The following FBXO17 variants were observed in gnomAD, a reference collection of about 807,000 sequenced individuals.
The protein encoded by FBXO17 is F-box protein 17.
FBXO17 carries 43 observed loss-of-function variants against 34.1 expected under a neutral mutation model. That is an observed-to-expected ratio of 1.26 (90% CI 0.99 to 1.62). The LOEUF (loss-of-function observed/expected upper bound fraction) is 1.62, where lower values mean the gene tolerates loss of function less well. Among genes scored for constraint, FBXO17 ranks in the 40% most tolerant of loss-of-function variants. The probability of loss-of-function intolerance (pLI) is 0.00; values close to 1 mark genes in which losing one functional copy is unlikely to be tolerated. For missense variants in FBXO17, 424 were observed against 386.7 expected (o/e 1.10, Z -0.81); for synonymous variants, 169 against 166.0 (o/e 1.02, Z -0.14).
At chr19:38,965,928 C>T (rs1011021433) in intron 1 of FBXO17, among the ~76,000 whole-genome samples, 40 of 152,186 alleles carry the variant, frequency 2.6e-4, no homozygotes, top group African/African-American at 7.2e-4. Context: ...AGGCATGAGC[C>T]GTTGCTCCCA....
intron 4 of FBXO17, 116 bp downstream of exon 4, chr19:38,946,356 G>T: frequency 1.3e-6 from 2 of 1,497,526 alleles, no homozygotes; most frequent in South Asian, 1.3e-5. Context: ...TCATCACAAA[G>T]GGTGCACAGT....
chr19:38,946,300 C>G, intron 4 of FBXO17, 172 bp downstream of exon 4: 1 of 1,199,246 alleles, frequency 8.3e-7, no homozygotes, highest in Non-Finnish European at 1.1e-6. Context: ...TCTGGCTTCT[C>G]CAAAGCTCTA....
chr19:38,948,754 G>T, intron 2 of FBXO17, 76 bp from the exon 3 acceptor site: 1 of 1,280,078 alleles, frequency 7.8e-7, no homozygotes, highest in Non-Finnish European at 1.1e-6. Flanking sequence ...CAGCCAGCTT[G>T]TGCTGTCCAC....
At chr19:38,949,096 A>G (rs1975031479) in intron 2 of FBXO17, among the ~76,000 whole-genome samples, 1 of 151,588 alleles carries the variant, frequency 6.6e-6, no homozygotes, top group Non-Finnish European at 1.5e-5. Flanking sequence ...CGCCTGGCTA[A>G]TTTAATTTTT....
Position 38,946,356 on chromosome 19 carries a change from G to C in FBXO17, c.557+116C>G, listed in dbSNP as rs1020393794. On this transcript the variant is annotated intron_variant, in intron 4 of 5. Coordinates refer to ENST00000292852, the MANE Select transcript of FBXO17 (RefSeq NM_024907.7). The stretch of plus-strand genomic sequence containing the variant: ...CTTCCCCTCTCAGCCTCATCACAAA[G>C]GGTGCACAGTGACAGCCGCTACCCG... 9 of 1,497,410 alleles carry C rather than the reference G, an allele frequency of 6.0e-6. No individual in the cohort carries two copies. In the South Asian group the frequency reaches 6.4e-5, roughly 11 times the overall value. 92.8% of individuals were successfully genotyped at this position (1,497,410 alleles called of 1,614,324 possible).
At chr19:38,972,174 C>T (rs1196764413) in intron 1 of FBXO17, among the ~76,000 whole-genome samples, 12 of 152,106 alleles carry the variant, frequency 7.9e-5, no homozygotes, top group Non-Finnish European at 1.5e-5. Context: ...GACTGAGACC[C>T]CCACTGGGTA....
chr19:38,947,731 T>C (rs1439230034), intron 3 of FBXO17, among the ~76,000 whole-genome samples: 1 of 152,194 alleles, frequency 6.6e-6, no homozygotes. Context: ...CAAGGTCTTA[T>C]TCTGTTGCCA....
At chr19:38,949,730 T>G in intron 2 of FBXO17, 1 of 581,726 alleles carries the variant, frequency 1.7e-6, no homozygotes, top group East Asian at 3.1e-5. Flanking sequence ...ACTTGCTTTC[T>G]CCCCCGGCCC....
intron 1 of FBXO17, among the ~76,000 whole-genome samples, chr19:38,970,934 T>C (rs899882547): frequency 1.3e-5 from 2 of 151,802 alleles, no homozygotes; most frequent in African/African-American, 4.8e-5. Flanking sequence ...AACCCATCTC[T>C]ACTAAAATAC....
intron 2 of FBXO17, among the ~76,000 whole-genome samples, chr19:38,949,148 C>T (rs549474795): frequency 1.3e-5 from 2 of 152,234 alleles, no homozygotes; most frequent in East Asian, 3.9e-4. Flanking sequence ...GCTGCCCAGG[C>T]TGGAGTGCAA....
intron 1 of FBXO17, among the ~76,000 whole-genome samples, chr19:38,964,388 T>C (rs1436851623): frequency 6.6e-6 from 1 of 151,998 alleles, no homozygotes; most frequent in African/African-American, 2.4e-5. Flanking sequence ...CAGGCTGGAG[T>C]GCAGTGGCGT....
chr19:38,955,287 G>A (rs2144825504), intron 1 of FBXO17, among the ~76,000 whole-genome samples: 2 of 151,812 alleles, frequency 1.3e-5, no homozygotes, highest in East Asian at 3.9e-4. Flanking sequence ...GGAGTGCAGT[G>A]GTGTGATCAT....
At chr19:38,949,733 C>T in intron 2 of FBXO17, 1 of 585,456 alleles carries the variant, frequency 1.7e-6, no homozygotes. Flanking sequence ...TGCTTTCTCC[C>T]CCGGCCCAGC....
chr19:38,952,873 T>C, intron 1 of FBXO17: 1 of 456,486 alleles, frequency 2.2e-6, no homozygotes, highest in Non-Finnish European at 4.4e-6. Flanking sequence ...CCTCATTCCC[T>C]CCAGTGCCCC....
chr19:38,968,005 G>A (rs569184557), intron 1 of FBXO17, among the ~76,000 whole-genome samples: 30 of 152,238 alleles, frequency 2.0e-4, no homozygotes, highest in African/African-American at 6.7e-4. Flanking sequence ...GGGGATGTAA[G>A]ATGTACAGCT....
chr19:38,945,404 G>C, intron 4 of FBXO17: 1 of 371,692 alleles, frequency 2.7e-6, no homozygotes, highest in East Asian at 6.3e-5. Context: ...CTGGGGTGGA[G>C]CCAGAGCCTG....
At chr19:38,945,336 G>A in intron 4 of FBXO17, 1 of 585,378 alleles carries the variant, frequency 1.7e-6, no homozygotes. Flanking sequence ...GAGCCTGGGG[G>A]AGGAGCCTGG....
intron 1 of FBXO17, among the ~76,000 whole-genome samples, chr19:38,951,391 T>G (rs1053789354): frequency 6.6e-6 from 1 of 150,998 alleles, no homozygotes; most frequent in Admixed American, 6.6e-5. Context: ...CCCTGGCTGG[T>G]CTTGAATTCC....
chr19:38,942,836 G>C (rs1974912926), intron 5 of FBXO17, 85 bp from the exon 6 acceptor site: 1 of 1,474,492 alleles, frequency 6.8e-7, no homozygotes, highest in Non-Finnish European at 9.1e-7. Context: ...AAAGGACTGA[G>C]GAGGTGCCAG....
Sources: allele counts gnomAD v4.1 joint callset (sites outside exome capture counted in the v4.1 genomes callset), GRCh38; gene constraint gnomAD v4.1.1; transcripts MANE v1.5; gene names NCBI Gene and HGNC (gene_info 2026-07-23, HGNC 2026-07-21).